Variants in TGM3 observed in about 807,000 individuals in gnomAD.
TGM3 encodes transglutaminase 3, also known as protein-glutamine gamma-glutamyltransferase E.
A neutral mutation model predicts 73.8 loss-of-function variants in TGM3; 52 were observed. That is an observed-to-expected ratio of 0.70 (90% CI 0.56 to 0.89). The LOEUF (loss-of-function observed/expected upper bound fraction) is 0.89, where lower values mean the gene tolerates loss of function less well. TGM3 is among the 40% of genes least tolerant of loss of function. The pLI is 0.00. For synonymous variants in TGM3, 372 were observed against 354.9 expected (o/e 1.05, Z -0.54); for missense variants, 928 against 909.9 (o/e 1.02, Z -0.26).
At position 2,332,624 on chromosome 20, in the gene TGM3, T is replaced by C. The variant is rs2084327711; in HGVS notation, c.1642+314T>C. Among the ~76,000 whole-genome samples, 1 of 152,084 alleles carries C rather than the reference T, an allele frequency of 6.6e-6. No homozygotes were observed. Among genetic ancestry groups the C allele is most frequent in the Non-Finnish European group, 1.5e-5 (1 of 68,006 alleles). ...TACCACCTCACACAGTTTGACCGTCTAAAAAAAGGCAGATTTTCAGTGTCC... is the reference window on the plus strand; with the variant it reads ...TACCACCTCACACAGTTTGACCGTCCAAAAAAAGGCAGATTTTCAGTGTCC... On this transcript the variant is annotated intron_variant, in intron 10 of 12. Transcript: ENST00000381458. This position sits in a 1 kb window ranked among gnomAD's most constrained non-coding sequence, Gnocchi z 4.4.
chr20:2,315,400 C>T (rs1005538132), intron 5 of TGM3, among the ~76,000 whole-genome samples: 10 of 152,206 alleles, frequency 6.6e-5, no homozygotes, highest in East Asian at 1.9e-4. Flanking sequence ...GGAAGGGCTG[C>T]GCAACCTTCC....
intron 1 of TGM3, among the ~76,000 whole-genome samples, chr20:2,300,602 G>A (rs1405974996): frequency 1.3e-5 from 2 of 152,188 alleles, no homozygotes; most frequent in Non-Finnish European, 2.9e-5. Context: ...TTCAGTCTGG[G>A]CTTGAGTCCA....
intron 1 of TGM3, among the ~76,000 whole-genome samples, chr20:2,296,744 G>C (rs2084110584): frequency 6.6e-6 from 1 of 152,122 alleles, no homozygotes; most frequent in African/African-American, 2.4e-5. Context: ...AGGAAGTGCA[G>C]GTTCCCCCAC....
chr20:2,309,285 G>A (rs2084190392), intron 1 of TGM3, among the ~76,000 whole-genome samples: 1 of 152,176 alleles, frequency 6.6e-6, no homozygotes, highest in Non-Finnish European at 1.5e-5. Context: ...TGATTGGATG[G>A]AGCTCCACTG....
At chr20:2,299,703 G>A (rs1274234125) in intron 1 of TGM3, among the ~76,000 whole-genome samples, 2 of 152,320 alleles carry the variant, frequency 1.3e-5, no homozygotes, top group Non-Finnish European at 2.9e-5. Context: ...CTCTGGTCAG[G>A]TAATTTATGT....
chr20:2,321,239 T>G (rs1212242649), intron 7 of TGM3, among the ~76,000 whole-genome samples: 1 of 152,180 alleles, frequency 6.6e-6, no homozygotes, highest in Non-Finnish European at 1.5e-5. Flanking sequence ...GGAGGAGGGT[T>G]TTTGTTTGTT....
chr20:2,325,938 AG>A lies in TGM3; in HGVS notation c.1075del (p.Glu359LysfsTer24), dbSNP rs1227684031. ...GGWQVLDATPQERSQGVFQCG... is the reference protein window; with the variant it reads ...GGWQVLDATPXERSQGVFQCG... ...TGGCAGGTGTTGGATGCTACCCCGC[AG>A]GAAAGAAGCCAAGGTAACTTCTCTG... On this transcript the variant is annotated frameshift_variant, in exon 8 of 13. Coordinates refer to ENST00000381458, the MANE Select transcript of TGM3 (RefSeq NM_003245.4). LOFTEE classifies it high-confidence loss of function. 6.3e-7 allele frequency: 1 copy of A among 1,593,828 alleles called. No individual in the cohort carries two copies. Among genetic ancestry groups the A allele is most frequent in the Non-Finnish European group, 8.6e-7 (1 of 1,168,922 alleles).
intron 5 of TGM3, among the ~76,000 whole-genome samples, chr20:2,315,806 C>A (rs1182223719): frequency 6.6e-6 from 1 of 152,180 alleles, no homozygotes; most frequent in African/African-American, 2.4e-5. Flanking sequence ...GTGAACAGAC[C>A]TTTGTGCAAT....
chr20:2,327,951 G>A (rs1351056717), intron 8 of TGM3, among the ~76,000 whole-genome samples, 169 bp from the exon 9 acceptor site: 3 of 152,172 alleles, frequency 2.0e-5, no homozygotes, highest in Admixed American at 6.5e-5. Flanking sequence ...ATCATAGCCC[G>A]GGAGGGTCTC....
At chr20:2,311,202 C>G in intron 4 of TGM3, 73 bp downstream of exon 4, 1 of 1,235,062 alleles carries the variant, frequency 8.1e-7, no homozygotes, top group Non-Finnish European at 1.2e-6. Context: ...CCCCACAGAT[C>G]AATGGGAAGT....
At chr20:2,300,382 G>C (rs921190618) in intron 1 of TGM3, among the ~76,000 whole-genome samples, 2 of 152,196 alleles carry the variant, frequency 1.3e-5, no homozygotes, top group African/African-American at 2.4e-5. Flanking sequence ...CTTCTGGGCA[G>C]CTGGGGTTGA....
At chr20:2,335,842 A>G (rs537131492) in intron 11 of TGM3, among the ~76,000 whole-genome samples, 1 of 152,304 alleles carries the variant, frequency 6.6e-6, no homozygotes, top group African/African-American at 2.4e-5. Flanking sequence ...TTAGGAGCCT[A>G]GTCACATGCT....
intron 11 of TGM3, among the ~76,000 whole-genome samples, chr20:2,335,529 T>C (rs1232173625): frequency 7.2e-5 from 11 of 152,248 alleles, no homozygotes; most frequent in Admixed American, 7.2e-4. Context: ...TCTCAGATTC[T>C]AGTTCAGAAC....
Position 2,325,876 on chromosome 20 carries a change from G to T in TGM3, c.1011G>T (p.Trp337Cys), listed in dbSNP as rs760627673. 3 of 1,577,712 alleles carry T rather than the reference G, an allele frequency of 1.9e-6. No individual in the cohort carries two copies. The highest frequency in any genetic ancestry group is 1.3e-5 in the African/African-American group (1 of 74,088). ...ATTTCCATGTCTGGAATGAAGGCTG[G>T]TTTGTGAGGTCTGACCTGGGCCCCT... is the stretch of plus-strand genomic sequence containing the variant. ...VWNFHVWNEG[W>C]FVRSDLGPSY... is the part of the protein sequence containing the mutation. The change falls in exon 8 of 13, where the codon TGG (tryptophan) becomes TGT (cysteine). Residue 337 changes from tryptophan (W) to cysteine (C), a missense_variant. Coordinates refer to ENST00000381458, the MANE Select transcript of TGM3 (RefSeq NM_003245.4).
At chr20:2,326,297 C>T (rs1275454977) in intron 8 of TGM3, among the ~76,000 whole-genome samples, 1 of 152,184 alleles carries the variant, frequency 6.6e-6, no homozygotes, top group Non-Finnish European at 1.5e-5. Flanking sequence ...TCCCTGTTGC[C>T]CTTGGGGTTT....
At chr20:2,307,116 A>G (rs994245386) in intron 1 of TGM3, among the ~76,000 whole-genome samples, 2 of 152,130 alleles carry the variant, frequency 1.3e-5, no homozygotes, top group African/African-American at 4.8e-5. Flanking sequence ...GCAAAAACCT[A>G]TTAATTTATT....
At chr20:2,304,501 T>C (rs1016478081) in intron 1 of TGM3, among the ~76,000 whole-genome samples, 3 of 152,066 alleles carry the variant, frequency 2.0e-5, no homozygotes, top group Admixed American at 2.0e-4. Context: ...TGCTAGCAGG[T>C]GGACGATGCA....
intron 7 of TGM3, among the ~76,000 whole-genome samples, chr20:2,324,339 T>C (rs1373246594): frequency 3.3e-5 from 5 of 152,240 alleles, no homozygotes. Context: ...GTCTGACAAT[T>C]CCAACATCTG....
At chr20:2,324,648 C>T (rs1003446409) in intron 7 of TGM3, among the ~76,000 whole-genome samples, 17 of 152,198 alleles carry the variant, frequency 1.1e-4, no homozygotes, top group Admixed American at 1.1e-3. Flanking sequence ...TTCCTTGACT[C>T]TTTTCAGAAT....
Sources: gnomAD v4.1 joint callset for allele counts (sites outside exome capture counted in the v4.1 genomes callset) on GRCh38, gnomAD v4.1.1 for gene constraint, Gnocchi (gnomAD v3.1) non-coding constraint, MANE v1.5 for transcripts, NCBI Gene and HGNC (gene_info 2026-07-23, HGNC 2026-07-21) for gene names.